The following KIF9 variants were observed in gnomAD, a reference collection of about 807,000 sequenced individuals.
KIF9 encodes the protein kinesin family member 9.
Under a neutral mutation model 94.8 loss-of-function variants are expected in KIF9, and 68 were observed. The ratio of observed to expected loss-of-function variants is 0.72; its 90% CI spans 0.59 to 0.88. The LOEUF (loss-of-function observed/expected upper bound fraction) is 0.88. KIF9 is among the 40% of genes least tolerant of loss of function. The pLI is 0.00. For synonymous variants in KIF9, 343 were observed against 362.1 expected (o/e 0.95, Z 0.60); for missense variants, 882 against 982.5 (o/e 0.90, Z 1.37).
At chr3:47,281,028 C>G in intron 1 of KIF9, 1 of 703,042 alleles carries the variant, frequency 1.4e-6, no homozygotes, top group Non-Finnish European at 2.6e-6. Context: ...TTACAAGCTG[C>G]TTGAAGGCAA....
At chr3:47,241,766 T>TAC (rs1430537659) in intron 16 of KIF9, among the ~76,000 whole-genome samples, 127 of 146,162 alleles carry the variant, frequency 8.7e-4, no homozygotes, top group Middle Eastern at 3.6e-3. Context: ...TATACATATA[T>TAC]ACGTATATAT....
At chr3:47,239,519 G>C in intron 17 of KIF9, 1 of 1,072,512 alleles carries the variant, frequency 9.3e-7, no homozygotes, top group South Asian at 2.8e-5. Flanking sequence ...TAATTGGTCT[G>C]TGAGGTATGA....
chr3:47,247,212 G>A (rs1042450400), intron 12 of KIF9, among the ~76,000 whole-genome samples, 161 bp downstream of exon 12: 5 of 152,180 alleles, frequency 3.3e-5, no homozygotes, highest in Non-Finnish European at 5.9e-5. Context: ...GTGCCCCTGA[G>A]ATGAGCTGAA....
At chr3:47,261,789 C>T (rs1036893910) in intron 9 of KIF9, among the ~76,000 whole-genome samples, 2 of 152,180 alleles carry the variant, frequency 1.3e-5, no homozygotes, top group Non-Finnish European at 2.9e-5. Flanking sequence ...CTCAAGAAGA[C>T]GTCTCTGTCA....
At chr3:47,262,372 G>A (rs1016836605) in intron 9 of KIF9, among the ~76,000 whole-genome samples, 1 of 151,352 alleles carries the variant, frequency 6.6e-6, no homozygotes, top group Admixed American at 6.6e-5. Context: ...TCTGCCTCCA[G>A]GGTTCTCCTG....
chr3:47,257,127 A>G (rs1045946492), intron 10 of KIF9, among the ~76,000 whole-genome samples: 1 of 152,156 alleles, frequency 6.6e-6, no homozygotes, highest in Non-Finnish European at 1.5e-5. Flanking sequence ...AGAAACACCC[A>G]AGAATGATCA....
intron 5 of KIF9, among the ~76,000 whole-genome samples, chr3:47,268,514 T>C (rs927613538): frequency 1.3e-5 from 2 of 152,082 alleles, no homozygotes; most frequent in African/African-American, 2.4e-5. Context: ...CTATAGTCTA[T>C]GGTCAGGCCT....
intron 20 of KIF9, among the ~76,000 whole-genome samples, chr3:47,232,500 G>C (rs1351833531): frequency 1.3e-5 from 2 of 151,556 alleles, no homozygotes; most frequent in African/African-American, 2.4e-5. Flanking sequence ...GGCCAGGCTG[G>C]TCTCGAACTC....
chr3:47,236,402 C>T (rs1485285356), intron 18 of KIF9, 41 bp downstream of exon 18: 3 of 1,606,492 alleles, frequency 1.9e-6, no homozygotes, highest in Non-Finnish European at 2.6e-6. Context: ...CCTGAGTCTC[C>T]TTGTACCTCA....
At chr3:47,241,741 GTATA>G (rs1200988046) in intron 16 of KIF9, among the ~76,000 whole-genome samples, 1 of 143,810 alleles carries the variant, frequency 7.0e-6, no homozygotes, top group South Asian at 2.2e-4. Context: ...ATATGTGTGT[GTATA>G]TATACGTATA....
chr3:47,267,094 G>A, intron 6 of KIF9, 26 bp from the exon 7 acceptor site: 1 of 1,608,724 alleles, frequency 6.2e-7, no homozygotes, highest in East Asian at 2.2e-5. Context: ...GCAGAAGTTA[G>A]ACTGTCACAG....
At chr3:47,271,003 G>T (rs1701613771) in intron 5 of KIF9, among the ~76,000 whole-genome samples, 1 of 151,726 alleles carries the variant, frequency 6.6e-6, no homozygotes, top group African/African-American at 2.4e-5. Context: ...AATTAAGTGG[G>T]CATGGTAGCA....
chr3:47,252,494 G>C lies in KIF9; in HGVS notation c.1060-4408C>G, dbSNP rs1373250465. 1.1e-4 allele frequency among the ~76,000 whole-genome samples: 16 copies of C among 152,158 alleles called. 1 individual carries two copies. The East Asian group carries it at 3.1e-3, about 29-fold the overall frequency. On this transcript the variant is annotated intron_variant, in intron 10 of 20. Coordinates refer to ENST00000684063, the MANE Select transcript of KIF9 (RefSeq NM_182902.4). ...GGCCTGTGGTCCCAGCTACTTGGGA[G>C]GCTGAGGTGGGAGAATTGCTTGAGC...
intron 9 of KIF9, among the ~76,000 whole-genome samples, chr3:47,263,393 C>T (rs1322331878): frequency 6.6e-6 from 1 of 152,192 alleles, no homozygotes; most frequent in Non-Finnish European, 1.5e-5. Flanking sequence ...CTAATCCCAC[C>T]TCTGGCCACA....
At chr3:47,234,903 C>T (rs191582137) in intron 20 of KIF9, among the ~76,000 whole-genome samples, 8 of 152,310 alleles carry the variant, frequency 5.3e-5, no homozygotes, top group Admixed American at 2.0e-4. Flanking sequence ...AATGTATCAC[C>T]TAATGAGTAT....
Position 47,243,083 on chromosome 3 carries a change from T to C in KIF9, c.1677A>G (p.Ser559=), listed in dbSNP as rs1277699542. Residue 559 remains serine (S), a synonymous_variant, in exon 16 of 21, where the codon TCA becomes TCG. Transcript: ENST00000684063. ...GGCGTAATTCCTCCTTCGGGGAGTC[T>C]GAGGGAAGGGGCTCAATGCTGGAAG... ...RETSSIEPLP[S]DSPKEELRPI... 5 of 1,612,456 alleles carry C rather than the reference T, an allele frequency of 3.1e-6. No homozygotes were observed. The highest frequency in any genetic ancestry group is 1.6e-4 in the Middle Eastern group (1 of 6,072).
intron 16 of KIF9, among the ~76,000 whole-genome samples, chr3:47,241,662 T>C (rs1285691535): frequency 6.7e-6 from 1 of 150,348 alleles, no homozygotes; most frequent in Non-Finnish European, 1.5e-5. Context: ...TATATATATG[T>C]GTGTGTGTGT....
Position 47,240,860 on chromosome 3 carries a change from C to T in KIF9, c.1865G>A (p.Arg622Gln), listed in dbSNP as rs780918981. The T allele has an allele frequency of 3.1e-5, 50 of 1,614,056 alleles. No homozygotes were observed. In the East Asian group the frequency reaches 7.6e-4, roughly 24 times the overall value. ...GGCCTCCTTGGTCACATCAATCTCC[C>T]GCTTGATGGCATTGATGTGCTGTGT... ...ETTQHINAIK[R>Q]EIDVTKEALN... Residue 622 changes from arginine (R) to glutamine (Q), a missense_variant, in exon 17 of 21, where the codon CGG (arginine) becomes CAG (glutamine). Transcript: ENST00000684063.
chr3:47,240,021 G>A (rs1699349561), intron 17 of KIF9: 2 of 1,072,020 alleles, frequency 1.9e-6, no homozygotes, highest in Middle Eastern at 3.9e-4. Flanking sequence ...CAGGTCCTGG[G>A]CCCTGCTCCA....
Sources: gnomAD v4.1 joint callset for allele counts (sites outside exome capture counted in the v4.1 genomes callset) on GRCh38, gnomAD v4.1.1 for gene constraint, MANE v1.5 for transcripts, NCBI Gene and HGNC (gene_info 2026-07-23, HGNC 2026-07-21) for gene names.